The following USP3 variants were observed in gnomAD, a reference collection of about 807,000 sequenced individuals.
USP3 encodes ubiquitin carboxyl-terminal hydrolase 3.
A neutral mutation model predicts 72.3 loss-of-function variants in USP3; 20 were observed. The observed-to-expected ratio is 0.28, with a 90% CI of 0.19 to 0.40. USP3 has a LOEUF of 0.40. USP3 is among the 10% of genes least tolerant of loss of function. The probability of loss-of-function intolerance (pLI) is 1.00; values close to 1 mark genes in which losing one functional copy is unlikely to be tolerated. For synonymous variants in USP3, 222 were observed against 225.3 expected (o/e 0.99, Z 0.13); for missense variants, 479 against 633.9 (o/e 0.76, Z 2.62).
chr15:63,516,351 C>T (rs1370436306), intron 1 of USP3, among the ~76,000 whole-genome samples: 1 of 152,138 alleles, frequency 6.6e-6, no homozygotes, highest in South Asian at 2.1e-4. Context: ...TCGTGTGATT[C>T]CCTCTGTTGT....
Position 63,570,321 on chromosome 15 carries a change from T to G in USP3, c.762-112T>G. ...GCATGAAGGTGAGGAAGCCTGGCTG[T>G]GCTTGTGAGCACGGGGCTGCCGTCC... On this transcript the variant is annotated intron_variant, in intron 8 of 14. Transcript: ENST00000380324. The surrounding 1 kb of genome is among the most constrained non-coding windows in gnomAD (Gnocchi z 4.4). 7.2e-7 allele frequency: 1 copy of G among 1,392,464 alleles called. No homozygotes were observed. Among genetic ancestry groups the G allele is most frequent in the Non-Finnish European group, 9.8e-7 (1 of 1,021,852 alleles). The allele number at this position is 1,392,464 out of a possible 1,614,324, so 86.3% of individuals were successfully genotyped here.
chr15:63,506,098 G>T (rs972456163), intron 1 of USP3, among the ~76,000 whole-genome samples: 1 of 152,218 alleles, frequency 6.6e-6, no homozygotes, highest in African/African-American at 2.4e-5. Flanking sequence ...GCTTGCCTTT[G>T]TAAAGTCAGG....
rs1555446525 is a variant in USP3, at chr15:63,547,888, G to GAGAGAGAGAGAGAGAGAGAGAGGCAT, written c.285-5819_285-5818insAGAGAGAGAGAGAGGCATAGAGAGAG. ...GCATAGAGAGAGAGAGAGAGAGAGA[G>GAGAGAGAGAGAGAGAGAGAGAGGCAT]AGAGAGAGGCATAGAGAGAGGCATA... On this transcript the variant is annotated intron_variant, in intron 3 of 14. Transcript: ENST00000380324. Among the ~76,000 whole-genome samples the GAGAGAGAGAGAGAGAGAGAGAGGCAT allele has an allele frequency of 4.6e-4, 34 of 73,300 alleles. 7 individuals carry two copies. Among genetic ancestry groups the GAGAGAGAGAGAGAGAGAGAGAGGCAT allele is most frequent in the African/African-American group, 9.7e-4 (17 of 17,526 alleles). The allele number at this position is 73,300 out of a possible 152,430, so 48.1% of individuals were successfully genotyped here. A position where few individuals can be genotyped will look rare whatever the true frequency, so the allele number is the denominator to read the frequency against.
intron 11 of USP3, among the ~76,000 whole-genome samples, chr15:63,580,470 A>T (rs975291016): frequency 2.0e-4 from 31 of 151,736 alleles, no homozygotes; most frequent in African/African-American, 7.5e-4. Flanking sequence ...TTGCTAAATT[A>T]AATTTATATA....
At chr15:63,565,414 C>T (rs1346561908) in intron 8 of USP3, among the ~76,000 whole-genome samples, 1 of 152,288 alleles carries the variant, frequency 6.6e-6, no homozygotes, top group East Asian at 1.9e-4. Context: ...TTAGTATGTT[C>T]AGCTCTTTCT....
chr15:63,570,728 C>G lies in USP3; in HGVS notation c.908+149C>G. ...CCCTTGAACTTTGTGACCCAGTGAA[C>G]TAGCACATACCTCTTGCTTCTAGAC... On this transcript the variant is annotated intron_variant, in intron 9 of 14. Transcript: ENST00000380324. This position sits in a 1 kb window ranked among gnomAD's most constrained non-coding sequence, Gnocchi z 4.4. 6 of 1,099,426 alleles carry G rather than the reference C, an allele frequency of 5.5e-6. No homozygotes were observed. Among genetic ancestry groups the G allele is most frequent in the Non-Finnish European group, 7.6e-6 (6 of 784,724 alleles). The allele number at this position is 1,099,426 out of a possible 1,614,324, so 68.1% of individuals were successfully genotyped here. A position where few individuals can be genotyped will look rare whatever the true frequency, so the allele number is the denominator to read the frequency against.
chr15:63,547,910 C>CATAGAGAGAGGG (rs2066374927), intron 3 of USP3, among the ~76,000 whole-genome samples: 3 of 94,986 alleles, frequency 3.2e-5, no homozygotes, highest in African/African-American at 3.9e-5. Context: ...TAGAGAGAGG[C>CATAGAGAGAGGG]ATATAGTGGC....
rs767165461 is a variant in USP3 at position 63,590,954 on chromosome 15, A to T, written c.*128A>T. 1.6e-6 allele frequency: 2 copies of T among 1,221,036 alleles called. No homozygotes were observed. The highest frequency in any genetic ancestry group is 1.6e-5 in the African/African-American group (1 of 64,314). 75.6% of individuals were successfully genotyped at this position (1,221,036 alleles called of 1,614,324 possible). The stretch of plus-strand genomic sequence containing the variant: ...TCCTATTTTGGATTTAGTTTTGTCA[A>T]TGGTAGTGACTTACTGAACATGGGC... On this transcript the variant is annotated 3_prime_UTR_variant, in exon 15 of 15. Transcript: ENST00000380324.
At chr15:63,569,362 GA>G (rs1191272075) in intron 8 of USP3, among the ~76,000 whole-genome samples, 6 of 152,282 alleles carry the variant, frequency 3.9e-5, no homozygotes, top group African/African-American at 1.4e-4. Context: ...TGAAATGCCA[GA>G]GTAACTTCTG....
At chr15:63,526,122 T>C (rs2065977975) in intron 1 of USP3, among the ~76,000 whole-genome samples, 1 of 152,228 alleles carries the variant, frequency 6.6e-6, no homozygotes, top group South Asian at 2.1e-4. Context: ...TTTAACAGTA[T>C]AGTGGCTCCT....
chr15:63,568,561 T>TGAG (rs1158189546), intron 8 of USP3, among the ~76,000 whole-genome samples: 1 of 152,096 alleles, frequency 6.6e-6, no homozygotes, highest in Non-Finnish European at 1.5e-5. Context: ...AACATGATTA[T>TGAG]AAAACAAGAG....
chr15:63,530,495 T>G, intron 1 of USP3: 1 of 337,798 alleles, frequency 3.0e-6, no homozygotes, highest in Non-Finnish European at 5.8e-6. Context: ...GTATTTTTTG[T>G]AGAGATGGAG....
In USP3 at chr15:63,504,844, C is replaced by CG; in HGVS notation, c.91+17dup. ...GGTGCTGCAGCGGTGAGTGCGGCCA[C>CG]GGGCCGGCCCCGCAGCGCACCCGAG... is the stretch of plus-strand genomic sequence containing the variant. On this transcript the variant is annotated intron_variant, in intron 1 of 14. Coordinates refer to ENST00000380324, the MANE Select transcript of USP3 (RefSeq NM_006537.4). 6.3e-7 allele frequency: 1 copy of CG among 1,585,064 alleles called. No individual in the cohort carries two copies. The highest frequency in any genetic ancestry group is 8.6e-7 in the Non-Finnish European group (1 of 1,167,970).
chr15:63,519,899 T>G (rs1254161799), intron 1 of USP3, among the ~76,000 whole-genome samples: 1 of 152,186 alleles, frequency 6.6e-6, no homozygotes, highest in Non-Finnish European at 1.5e-5. Flanking sequence ...ATTATTTATT[T>G]TGAGGCTCAA....
At position 63,520,554 on chromosome 15, in the gene USP3, A is replaced by ATTTTTTTTTTTTTTTTTTTTTTTTTT. The variant is rs35244583; in HGVS notation, c.92-12091_92-12066dup. ...TTTGTTTGTTTGATTTCTGTTTTAG[A>ATTTTTTTTTTTTTTTTTTTTTTTTTT]TTTTTTTTTTTTTTTTTTTTTTTTT... On this transcript the variant is annotated intron_variant, in intron 1 of 14. Transcript: ENST00000380324. Among the ~76,000 whole-genome samples, 11 of 105,424 alleles carry ATTTTTTTTTTTTTTTTTTTTTTTTTT rather than the reference A, an allele frequency of 1.0e-4. 5 individuals are homozygous for ATTTTTTTTTTTTTTTTTTTTTTTTTT. The highest frequency in any genetic ancestry group is 1.9e-4 in the African/African-American group (5 of 26,586). 69.2% of individuals were successfully genotyped at this position (105,424 alleles called of 152,430 possible). A position where few individuals can be genotyped will look rare whatever the true frequency, so the allele number is the denominator to read the frequency against.
intron 1 of USP3, among the ~76,000 whole-genome samples, chr15:63,505,224 C>A (rs1299567677): frequency 6.6e-6 from 1 of 152,110 alleles, no homozygotes; most frequent in African/African-American, 2.4e-5. Context: ...GGGGCGGCCG[C>A]ACGTGTGGCG....
intron 1 of USP3, among the ~76,000 whole-genome samples, chr15:63,518,315 G>T (rs1184304717): frequency 6.6e-6 from 1 of 152,204 alleles, no homozygotes; most frequent in Non-Finnish European, 1.5e-5. Context: ...CCAGGCTTTG[G>T]ATAGGTATAT....
intron 6 of USP3, 74 bp from the exon 7 acceptor site, chr15:63,559,783 T>G (rs1284799410): frequency 7.7e-7 from 1 of 1,301,918 alleles, no homozygotes; most frequent in Non-Finnish European, 1.1e-6. Context: ...AAAATGTATA[T>G]GTAGGCTTCA....
In USP3 at chr15:63,562,938, C is replaced by A; in HGVS notation, c.691C>A (p.Gln231Lys). ...TAGAAAGACACTCTGTGCTTTATGG[C>A]AAGGCAGCCAGACTGCATTTAGCCC... ...EFRKTLCALW[Q>K]GSQTAFSPES... The change falls in exon 8 of 15, where the codon CAA becomes AAA. Residue 231 changes from glutamine (Q) to lysine (K), a missense_variant. Gln to Lys is a moderately conservative substitution (Grantham distance 53). Transcript: ENST00000380324. 1 of 1,612,732 alleles carries A rather than the reference C, an allele frequency of 6.2e-7. No individual in the cohort carries two copies. Among genetic ancestry groups the A allele is most frequent in the Non-Finnish European group, 8.5e-7 (1 of 1,179,494 alleles).
Sources: allele counts gnomAD v4.1 joint callset (sites outside exome capture counted in the v4.1 genomes callset), GRCh38; gene constraint gnomAD v4.1.1; non-coding constraint Gnocchi (gnomAD v3.1); transcripts MANE v1.5; gene names NCBI Gene and HGNC (gene_info 2026-07-23, HGNC 2026-07-21).